The following GLDN variants were observed in gnomAD, a reference collection of about 807,000 sequenced individuals.
The protein encoded by GLDN is gliomedin.
A neutral mutation model predicts 56.5 loss-of-function variants in GLDN; 47 were observed. The observed-to-expected ratio is 0.83, with a 90% CI of 0.66 to 1.06. The LOEUF is 1.06. GLDN is among the 50% of genes least tolerant of loss of function. The pLI is 0.00. For missense variants in GLDN, 782 were observed against 714.3 expected, an observed-to-expected ratio of 1.09 and a Z score of -1.08; for synonymous variants, 332 against 278.8, an observed-to-expected ratio of 1.19 and a Z score of -1.90.
At chr15:51,388,901 T>C (rs916831968) in intron 4 of GLDN, among the ~76,000 whole-genome samples, 1 of 152,196 alleles carries the variant, frequency 6.6e-6, no homozygotes, top group African/African-American at 2.4e-5. Context: ...GCTCCAAGGC[T>C]GAGTCTTCCT....
chr15:51,388,369 A>C (rs1353008086), intron 4 of GLDN, among the ~76,000 whole-genome samples: 1 of 152,152 alleles, frequency 6.6e-6, no homozygotes, highest in African/African-American at 2.4e-5. Flanking sequence ...AAGTGGAATC[A>C]ATCAAAATAT....
chr15:51,398,719 G>A (rs890672401), intron 6 of GLDN, among the ~76,000 whole-genome samples: 4 of 152,206 alleles, frequency 2.6e-5, no homozygotes, highest in African/African-American at 9.7e-5. Context: ...GTGAGACCAC[G>A]GCACAGCTGC....
At chr15:51,388,878 C>T (rs761471275) in intron 4 of GLDN, among the ~76,000 whole-genome samples, 5 of 152,182 alleles carry the variant, frequency 3.3e-5, no homozygotes, top group Non-Finnish European at 7.4e-5. Context: ...GCTTCAGACA[C>T]GCTCCAATCT....
At position 51,342,043 on chromosome 15, in the gene GLDN, T is replaced by C. The variant is rs1256049464; in HGVS notation, c.359T>C (p.Val120Ala). ...CTGATGATGATGACCTACTCCATGGTGCCGGTAGGCGGGGTCTCTGTTCCC... is the reference window on the plus strand; with the variant it reads ...CTGATGATGATGACCTACTCCATGGCGCCGGTAGGCGGGGTCTCTGTTCCC... ...DMLMMMTYSMVPIRVMVDLCN... is the reference protein window; with the variant it reads ...DMLMMMTYSMAPIRVMVDLCN... Residue 120 changes from valine (V) to alanine (A), a missense_variant, in exon 1 of 10, where the codon GTG becomes GCG. Physicochemically the swap from Val to Ala is moderately conservative, Grantham distance 64. Transcript: ENST00000335449. 1.9e-6 allele frequency: 3 copies of C among 1,587,604 alleles called. No homozygotes were observed. The highest frequency in any genetic ancestry group is 2.6e-6 in the Non-Finnish European group (3 of 1,174,390).
At chr15:51,369,046 C>A (rs2037462846) in intron 1 of GLDN, 1 of 152,206 alleles carries the variant, frequency 6.6e-6, no homozygotes, top group South Asian at 2.1e-4. Flanking sequence ...AGTGCCCTCA[C>A]CAAGTCTTGG....
Position 51,341,667 on chromosome 15 carries a change from G to A in GLDN, c.-18G>A. Reference sequence around the variant, plus strand: ...GCCGCAGGCTGCCAAGCCCTGCCCTGCCCAAGGCGCATAGAGCATGGCCCG... The same window carrying A: ...GCCGCAGGCTGCCAAGCCCTGCCCTACCCAAGGCGCATAGAGCATGGCCCG... On this transcript the variant is annotated 5_prime_UTR_variant, in exon 1 of 10. Transcript: ENST00000335449. The A allele has an allele frequency of 7.2e-7, 1 of 1,386,344 alleles. No homozygotes were observed. The highest frequency in any genetic ancestry group is 9.2e-7 in the Non-Finnish European group (1 of 1,081,760). The allele number at this position is 1,386,344 out of a possible 1,614,324, so 85.9% of individuals were successfully genotyped here.
At chr15:51,355,589 T>C (rs2037160622) in intron 1 of GLDN, among the ~76,000 whole-genome samples, 1 of 150,760 alleles carries the variant, frequency 6.6e-6, no homozygotes, top group Non-Finnish European at 1.5e-5. Flanking sequence ...AGTGGCATGA[T>C]TTCGGCTCAC....
chr15:51,384,159 G>T, intron 4 of GLDN: 1 of 453,770 alleles, frequency 2.2e-6, no homozygotes, highest in South Asian at 2.2e-5. Context: ...GAGGTGGAAG[G>T]AGCAGGAGCC....
chr15:51,354,834 G>A (rs2037143973), intron 1 of GLDN, among the ~76,000 whole-genome samples: 1 of 152,204 alleles, frequency 6.6e-6, no homozygotes, highest in African/African-American at 2.4e-5. Context: ...TTTATAGGAG[G>A]ACAGATCTGT....
At chr15:51,344,341 C>T (rs2036939958) in intron 1 of GLDN, among the ~76,000 whole-genome samples, 1 of 152,208 alleles carries the variant, frequency 6.6e-6, no homozygotes, top group Non-Finnish European at 1.5e-5. Context: ...CCCATCAAGG[C>T]CTTTGCTTCA....
downstream of GLDN, among the ~76,000 whole-genome samples, chr15:51,410,276 T>G (rs1296678636): frequency 6.6e-6 from 1 of 152,196 alleles, no homozygotes; most frequent in Non-Finnish European, 1.5e-5. Context: ...ACTCACAACT[T>G]GGATTCTACT....
intron 2 of GLDN, among the ~76,000 whole-genome samples, chr15:51,382,974 A>G (rs2037799790): frequency 6.6e-6 from 1 of 152,180 alleles, no homozygotes; most frequent in Admixed American, 6.5e-5. Flanking sequence ...CTAGCCAGCC[A>G]GCTTTCACTC....
In GLDN at chr15:51,394,966, G is replaced by A. The variant is rs754477659; in HGVS notation, c.673G>A (p.Asp225Asn). 7 of 1,601,982 alleles carry A rather than the reference G, an allele frequency of 4.4e-6. No individual in the cohort carries two copies. Among genetic ancestry groups the A allele is most frequent in the East Asian group, 2.2e-5 (1 of 44,592 alleles). ...GGGTGACAAAGGAGATGTGTCCAAC[G>A]ACGTGCTCCTGGCAGGTAAGAGGGG... ...EKGDKGDVSNDVLLAGAKGDQ... is the reference protein window; with the variant it reads ...EKGDKGDVSNNVLLAGAKGDQ... The change falls in exon 5 of 10, where the codon GAC becomes AAC. Residue 225 changes from aspartate (D) to asparagine (N), a missense_variant. By Grantham distance (23) the Asp-to-Asn change is conservative. Coordinates refer to ENST00000335449, the MANE Select transcript of GLDN (RefSeq NM_181789.4).
chr15:51,341,679 T>G lies in GLDN; in HGVS notation c.-6T>G, dbSNP rs1287245698. ...CAAGCCCTGCCCTGCCCAAGGCGCA[T>G]AGAGCATGGCCCGAGGCGCTGAGGG... On this transcript the variant is annotated 5_prime_UTR_variant, in exon 1 of 10. Coordinates refer to ENST00000335449, the MANE Select transcript of GLDN (RefSeq NM_181789.4). 1.4e-6 allele frequency: 2 copies of G among 1,404,044 alleles called. No homozygotes were observed. Among genetic ancestry groups the G allele is most frequent in the African/African-American group, 3.0e-5 (2 of 66,330 alleles). The allele number at this position is 1,404,044 out of a possible 1,614,324, so 87.0% of individuals were successfully genotyped here.
At position 51,341,755 on chromosome 15, in the gene GLDN, C is replaced by T; in HGVS notation, c.71C>T (p.Ala24Val). 2 of 1,479,870 alleles carry T rather than the reference C, an allele frequency of 1.4e-6. No individual in the cohort carries two copies. The highest frequency in any genetic ancestry group is 1.3e-5 in the South Asian group (1 of 76,438). The allele number at this position is 1,479,870 out of a possible 1,614,324, so 91.7% of individuals were successfully genotyped here. ...CTGCGTGGCGCCCTGGCGGCCGTGG[C>T]GCTGCTCTCGGCGCTCAACGCTGCG... The part of the protein sequence containing the change: ...WGLRGALAAV[A>V]LLSALNAAGT... The change falls in exon 1 of 10, where the codon GCG (alanine) becomes GTG (valine). Residue 24 changes from alanine to valine, a missense_variant. Coordinates refer to ENST00000335449, the MANE Select transcript of GLDN (RefSeq NM_181789.4).
At chr15:51,395,305 C>T (rs1216627400) in intron 5 of GLDN, among the ~76,000 whole-genome samples, 1 of 152,302 alleles carries the variant, frequency 6.6e-6, no homozygotes, top group African/African-American at 2.4e-5. Context: ...AGGCAACTTA[C>T]GACACCTCAG....
At chr15:51,408,800 C>T (rs187290410), downstream of GLDN, among the ~76,000 whole-genome samples, 13 of 152,110 alleles carry the variant, frequency 8.5e-5, no homozygotes, top group Admixed American at 2.6e-4. Flanking sequence ...TCTGTCCTTG[C>T]GATAGTTTGC....
chr15:51,384,121 C>A, intron 4 of GLDN: 1 of 538,500 alleles, frequency 1.9e-6, no homozygotes, highest in South Asian at 1.9e-5. Flanking sequence ...CTCCTGGGAA[C>A]TGACTCGCAC....
chr15:51,364,879 A>G (rs2037369860), intron 1 of GLDN, among the ~76,000 whole-genome samples: 1 of 152,248 alleles, frequency 6.6e-6, no homozygotes, highest in Admixed American at 6.5e-5. Flanking sequence ...TTTAATTACC[A>G]AGGGGAAGAA....
Sources: allele counts gnomAD v4.1 joint callset (sites outside exome capture counted in the v4.1 genomes callset), GRCh38; gene constraint gnomAD v4.1.1; transcripts MANE v1.5; gene names NCBI Gene and HGNC (gene_info 2026-07-23, HGNC 2026-07-21).